The following CPSF2 variants were observed in gnomAD, a reference collection of about 807,000 sequenced individuals.
The protein encoded by CPSF2 is cleavage and polyadenylation specificity factor subunit 2.
Under a neutral mutation model 84.2 loss-of-function variants are expected in CPSF2, and 51 were observed. The observed-to-expected ratio is 0.61, with a 90% CI of 0.48 to 0.77. The LOEUF (loss-of-function observed/expected upper bound fraction) is 0.77. Among genes scored for constraint, CPSF2 ranks in the 30% least tolerant of loss-of-function variants. The pLI is 0.00. For synonymous variants in CPSF2, 286 were observed against 311.9 expected, an observed-to-expected ratio of 0.92 and a Z score of 0.87; for missense variants, 641 against 929.4, an observed-to-expected ratio of 0.69 and a Z score of 4.03.
At chr14:92,131,778 G>T (rs1412015024) in intron 3 of CPSF2, among the ~76,000 whole-genome samples, 1 of 151,676 alleles carries the variant, frequency 6.6e-6, no homozygotes, top group African/African-American at 2.4e-5. Context: ...GGCAGAGATT[G>T]CACTGAGCCG....
rs753688137 is a variant in CPSF2 at position 92,158,288 on chromosome 14, G to A, written c.1821+404G>A. ...GAGGAAAATGATTAAGAATTCAAAAGTTTTAGAAGAATTCCCGGATATCAA... is the reference window on the plus strand; with the variant it reads ...GAGGAAAATGATTAAGAATTCAAAAATTTTAGAAGAATTCCCGGATATCAA... On this transcript the variant is annotated intron_variant, in intron 13 of 15. Coordinates refer to ENST00000298875, the MANE Select transcript of CPSF2 (RefSeq NM_017437.3). Among the ~76,000 whole-genome samples, 24 of 152,176 alleles carry A rather than the reference G, an allele frequency of 1.6e-4. 1 individual carries two copies. Among genetic ancestry groups the A allele is most frequent in the Non-Finnish European group, 1.2e-4 (8 of 68,032 alleles).
intron 3 of CPSF2, 88 bp downstream of exon 3, chr14:92,131,221 C>CT: frequency 9.9e-7 from 1 of 1,012,244 alleles, no homozygotes; most frequent in Non-Finnish European, 1.4e-6. Flanking sequence ...TAAATACTGC[C>CT]TTTTTACACT....
rs1246437976 is a variant in CPSF2, at chr14:92,122,004, T to G, written c.-218T>G. The G allele has an allele frequency of 3.1e-6, 2 of 649,852 alleles. No individual in the cohort carries two copies. Among genetic ancestry groups the G allele is most frequent in the African/African-American group, 3.7e-5 (2 of 54,758 alleles). 40.3% of individuals were successfully genotyped at this position (649,852 alleles called of 1,614,324 possible). On this transcript the variant is annotated 5_prime_UTR_variant, in exon 1 of 16. Coordinates refer to ENST00000298875, the MANE Select transcript of CPSF2 (RefSeq NM_017437.3). ...AGCTCCAAAATGGCGGCTGCCACTG[T>G]GGGGCTTCTGCCGGCCGGTAGTCCC...
At chr14:92,140,519 A>G (rs925544246) in intron 7 of CPSF2, among the ~76,000 whole-genome samples, 5 of 127,478 alleles carry the variant, frequency 3.9e-5, no homozygotes, top group Admixed American at 8.8e-5. Flanking sequence ...TGCAACCTCC[A>G]CCTCCTGGGT....
chr14:92,168,738 C>CA lies in CPSF2; in HGVS notation c.*7000dup, dbSNP rs1328023788. 2 of 152,014 alleles carry CA rather than the reference C, an allele frequency of 1.3e-5. No individual in the cohort carries two copies. The highest frequency in any genetic ancestry group is 2.9e-5 in the Non-Finnish European group (2 of 68,026). 9.4% of individuals were successfully genotyped at this position (152,014 alleles called of 1,614,324 possible). A position where few individuals can be genotyped will look rare whatever the true frequency, so the allele number is the denominator to read the frequency against. The stretch of plus-strand genomic sequence containing the variant: ...GGAACATGGTAAAACCCTGTCTCTA[C>CA]AAAAAATAGAAAAATTAGCTGGGCA... On this transcript the variant is annotated 3_prime_UTR_variant, in exon 16 of 16. Coordinates refer to ENST00000298875, the MANE Select transcript of CPSF2 (RefSeq NM_017437.3).
At chr14:92,148,787 A>G (rs1052960446) in intron 9 of CPSF2, among the ~76,000 whole-genome samples, 39 of 149,578 alleles carry the variant, frequency 2.6e-4, no homozygotes, top group Non-Finnish European at 5.3e-4. Context: ...AAAAAAAAAA[A>G]GAAAGAAATG....
intron 9 of CPSF2, among the ~76,000 whole-genome samples, chr14:92,146,872 G>A (rs2069151252): frequency 6.6e-6 from 1 of 152,106 alleles, no homozygotes; most frequent in Admixed American, 6.6e-5. Context: ...CAGGATCTTT[G>A]TACTAGCTGT....
intron 9 of CPSF2, among the ~76,000 whole-genome samples, chr14:92,153,294 T>C (rs1431725787): frequency 6.6e-6 from 1 of 152,146 alleles, no homozygotes; most frequent in Non-Finnish European, 1.5e-5. Context: ...TTTAAGTATC[T>C]TGTGCTTTTT....
Position 92,155,293 on chromosome 14 carries a change from T to A in CPSF2, c.1412T>A (p.Ile471Asn), listed in dbSNP as rs753365553. 1.1e-5 allele frequency: 17 copies of A among 1,613,928 alleles called. No individual in the cohort carries two copies. The highest frequency in any genetic ancestry group is 1.4e-5 in the Non-Finnish European group (16 of 1,179,960). ...YPMFPAPEER[I>N]KWDEYGEIIK... Reference sequence around the variant, plus strand: ...ATGTTTCCTGCCCCAGAAGAAAGAATTAAATGGGATGAATATGGAGAGATT... The same window carrying A: ...ATGTTTCCTGCCCCAGAAGAAAGAAATAAATGGGATGAATATGGAGAGATT... The change falls in exon 11 of 16, where the codon ATT becomes AAT. Residue 471 changes from isoleucine to asparagine, a missense_variant. Transcript: ENST00000298875.
In CPSF2 at chr14:92,162,866, A is replaced by C. The variant is rs1174321318; in HGVS notation, c.*1122A>C. On this transcript the variant is annotated 3_prime_UTR_variant, in exon 16 of 16. Transcript: ENST00000298875. ...TTGTAATCCATTAATGCTTTTTTAG[A>C]ATGGCAGACCTTGATGTTTATTTCT... is the stretch of plus-strand genomic sequence containing the variant. 3 of 152,164 alleles carry C rather than the reference A, an allele frequency of 2.0e-5. No homozygotes were observed. The East Asian group carries it at 5.8e-4, about 29-fold the overall frequency. 9.4% of individuals were successfully genotyped at this position (152,164 alleles called of 1,614,324 possible). A position where few individuals can be genotyped will look rare whatever the true frequency, so the allele number is the denominator to read the frequency against.
chr14:92,127,396 G>A (rs930098804), intron 2 of CPSF2, among the ~76,000 whole-genome samples: 1 of 152,134 alleles, frequency 6.6e-6, no homozygotes, highest in Admixed American at 6.5e-5. Flanking sequence ...AATATAATGA[G>A]TTGTTATGAA....
rs2069420992 is a variant in CPSF2 at position 92,164,724 on chromosome 14, G to A, written c.*2980G>A. The A allele has an allele frequency of 6.6e-6, 1 of 152,218 alleles. No individual in the cohort carries two copies. The highest frequency in any genetic ancestry group is 2.4e-5 in the African/African-American group (1 of 41,462). 9.4% of individuals were successfully genotyped at this position (152,218 alleles called of 1,614,324 possible). A position where few individuals can be genotyped will look rare whatever the true frequency, so the allele number is the denominator to read the frequency against. ...ATATCTTGGGTGGCCTGAAACAGAA[G>A]TGAGGAAATCAATTTTTTAAGGTGA... On this transcript the variant is annotated 3_prime_UTR_variant, in exon 16 of 16. Coordinates refer to ENST00000298875, the MANE Select transcript of CPSF2 (RefSeq NM_017437.3).
At chr14:92,133,146 G>A (rs1375170469) in intron 3 of CPSF2, among the ~76,000 whole-genome samples, 2 of 151,630 alleles carry the variant, frequency 1.3e-5, no homozygotes, top group Admixed American at 6.6e-5. Context: ...ATGGCCGGGC[G>A]TGGTGGCTCA....
intron 9 of CPSF2, among the ~76,000 whole-genome samples, chr14:92,151,682 A>G (rs1290703296): frequency 6.6e-6 from 1 of 152,174 alleles, no homozygotes; most frequent in Admixed American, 6.5e-5. Context: ...TGGAGAAGCA[A>G]ATGTGAGAAT....
chr14:92,157,555 G>A lies in CPSF2; in HGVS notation c.1596-104G>A. The A allele has an allele frequency of 1.5e-6, 1 of 646,768 alleles. No individual in the cohort carries two copies. Among genetic ancestry groups the A allele is most frequent in the South Asian group, 2.0e-5 (1 of 50,284 alleles). The allele number at this position is 646,768 out of a possible 1,614,324, so 40.1% of individuals were successfully genotyped here. ...ATAAATCATACAGATACTATAACAT[G>A]TGTATTTCTCAAATCCTAGTGTTAT... On this transcript the variant is annotated intron_variant, in intron 12 of 15. Coordinates refer to ENST00000298875, the MANE Select transcript of CPSF2 (RefSeq NM_017437.3). This position sits in a 1 kb window ranked among gnomAD's most constrained non-coding sequence, Gnocchi z 4.0.
In CPSF2 at chr14:92,169,470, A is replaced by G. The variant is rs1332478757; in HGVS notation, c.*7726A>G. On this transcript the variant is annotated 3_prime_UTR_variant, in exon 16 of 16. Coordinates refer to ENST00000298875, the MANE Select transcript of CPSF2 (RefSeq NM_017437.3). ...TTATACTTTTATAAAGTATCAAATTATGTAGATGATGACGAAGTTATAAGG... is the reference window on the plus strand; with the variant it reads ...TTATACTTTTATAAAGTATCAAATTGTGTAGATGATGACGAAGTTATAAGG... 6.6e-6 allele frequency: 1 copy of G among 152,230 alleles called. No individual in the cohort carries two copies. The highest frequency in any genetic ancestry group is 2.4e-5 in the African/African-American group (1 of 41,466). 9.4% of individuals were successfully genotyped at this position (152,230 alleles called of 1,614,324 possible).
chr14:92,162,460 CT>C lies in CPSF2; in HGVS notation c.*718del, dbSNP rs2069387863. ...AAAGAACTACTTGATGCAGTATAGT[CT>C]TAAGGGTTCTGCATACATTTTAGAA... On this transcript the variant is annotated 3_prime_UTR_variant, in exon 16 of 16. Transcript: ENST00000298875. The C allele has an allele frequency of 6.6e-6, 1 of 152,416 alleles. No homozygotes were observed. Among genetic ancestry groups the C allele is most frequent in the African/African-American group, 2.4e-5 (1 of 41,430 alleles). 9.4% of individuals were successfully genotyped at this position (152,416 alleles called of 1,614,324 possible).
At chr14:92,132,906 C>G (rs1242543233) in intron 3 of CPSF2, among the ~76,000 whole-genome samples, 4 of 151,214 alleles carry the variant, frequency 2.6e-5, no homozygotes, top group Non-Finnish European at 2.9e-5. Context: ...GCCTGGCCAA[C>G]ATGGTGAAAG....
chr14:92,155,258 G>A lies in CPSF2; in HGVS notation c.1377G>A (p.Lys459=), dbSNP rs771694654. The stretch of plus-strand genomic sequence containing the variant: ...GAAGTTTTTTCAAACAGGCAAAAAA[G>A]TCCTATCCTATGTTTCCTGCCCCAG... ...RKGSFFKQAK[K]SYPMFPAPEE... The change falls in exon 11 of 16, where the codon AAG becomes AAA. Residue 459 remains lysine (K), a synonymous_variant. Coordinates refer to ENST00000298875, the MANE Select transcript of CPSF2 (RefSeq NM_017437.3). 24 of 1,613,952 alleles carry A rather than the reference G, an allele frequency of 1.5e-5. No homozygotes were observed. The highest frequency in any genetic ancestry group is 2.0e-5 in the Non-Finnish European group (24 of 1,179,982).
Sources: allele counts gnomAD v4.1 joint callset (sites outside exome capture counted in the v4.1 genomes callset), GRCh38; gene constraint gnomAD v4.1.1; non-coding constraint Gnocchi (gnomAD v3.1); transcripts MANE v1.5; gene names NCBI Gene and HGNC (gene_info 2026-07-23, HGNC 2026-07-21).